The following NMS variants were observed in gnomAD, a reference collection of about 807,000 sequenced individuals.
The protein encoded by NMS is neuromedin-S.
NMS carries 30 observed loss-of-function variants against 32.2 expected under a neutral mutation model. The observed-to-expected ratio is 0.93, with a 90% CI of 0.70 to 1.26. The LOEUF (loss-of-function observed/expected upper bound fraction) is 1.26. NMS is among the 50% of genes most tolerant of loss of function. The pLI is 0.00. For missense variants in NMS, 190 were observed against 186.3 expected (o/e 1.02, Z -0.12); for synonymous variants, 76 against 58.5 (o/e 1.30, Z -1.37).
intron 1 of NMS, 112 bp from the exon 2 acceptor site, chr2:100,472,683 T>A (rs1265717074): frequency 1.5e-6 from 1 of 669,946 alleles, no homozygotes; most frequent in Non-Finnish European, 2.6e-6. Context: ...TTTGAATGGT[T>A]CTTTGGTGGT....
Position 100,481,163 on chromosome 2 carries a change from T to A in NMS, c.410T>A (p.Phe137Tyr). The A allele has an allele frequency of 6.2e-7, 1 of 1,614,160 alleles. No homozygotes were observed. The highest frequency in any genetic ancestry group is 8.5e-7 in the Non-Finnish European group (1 of 1,179,982). Residue 137 changes from phenylalanine to tyrosine, a missense_variant, in exon 8 of 10, where the codon TTC becomes TAC. Phe to Tyr is a conservative substitution (Grantham distance 22). Transcript: ENST00000376865. ...ACCTGGGGACGACCCTTTTTCCTTT[T>A]CAGGGTATAGCATGTTTTCTCACCT... The part of the protein sequence containing the change: ...TATWGRPFFL[F>Y]RPRNGRNIED...
chr2:100,478,657 T>A (rs1677158396), intron 5 of NMS, among the ~76,000 whole-genome samples: 1 of 151,842 alleles, frequency 6.6e-6, no homozygotes, highest in Admixed American at 6.6e-5. Flanking sequence ...AAAGACGGGG[T>A]TTCACCATGT....
chr2:100,477,794 T>C (rs563483357), intron 5 of NMS, among the ~76,000 whole-genome samples: 6 of 152,276 alleles, frequency 3.9e-5, no homozygotes, highest in African/African-American at 1.4e-4. Flanking sequence ...CATCCCCCAG[T>C]GGTGATCCAT....
intron 8 of NMS, 91 bp from the exon 9 acceptor site, chr2:100,482,186 C>T: frequency 1.5e-6 from 2 of 1,292,568 alleles, no homozygotes. Context: ...AGAATGAGGC[C>T]TTAGGGTTCA....
chr2:100,478,504 C>T (rs1424744424), intron 5 of NMS, among the ~76,000 whole-genome samples: 1 of 152,094 alleles, frequency 6.6e-6, no homozygotes, highest in Non-Finnish European at 1.5e-5. Flanking sequence ...CTCTTGTTGC[C>T]CAGGCTGGAG....
chr2:100,473,660 T>C (rs959551930), intron 3 of NMS, 121 bp downstream of exon 3: 8 of 279,660 alleles, frequency 2.9e-5, no homozygotes, highest in Non-Finnish European at 4.7e-5. Context: ...TTCAAGAATA[T>C]AATTTTAGAA....
chr2:100,475,742 G>C (rs374915914), intron 3 of NMS, among the ~76,000 whole-genome samples: 4 of 152,152 alleles, frequency 2.6e-5, no homozygotes, highest in East Asian at 3.8e-4. Flanking sequence ...GCTCATGCCT[G>C]TAATCCCAGA....
At chr2:100,472,984 A>G in intron 2 of NMS, 134 bp downstream of exon 2, 1 of 562,082 alleles carries the variant, frequency 1.8e-6, no homozygotes. Flanking sequence ...GCCATTTTTC[A>G]TGGCCTCATT....
At chr2:100,480,194 T>C (rs1365903989) in intron 6 of NMS, among the ~76,000 whole-genome samples, 1 of 152,210 alleles carries the variant, frequency 6.6e-6, no homozygotes, top group Non-Finnish European at 1.5e-5. Flanking sequence ...CCTTTAAAAG[T>C]TTCCTAAGCT....
intron 9 of NMS, among the ~76,000 whole-genome samples, chr2:100,482,516 T>A (rs978896673): frequency 6.6e-6 from 1 of 151,788 alleles, no homozygotes; most frequent in African/African-American, 2.4e-5. Context: ...AGATGCAGGC[T>A]GTCTGGGCAA....
intron 7 of NMS, 72 bp downstream of exon 7, chr2:100,480,603 G>T (rs1677200122): frequency 6.6e-7 from 1 of 1,521,024 alleles, no homozygotes; most frequent in Non-Finnish European, 9.1e-7. Flanking sequence ...AGTCCTTGGA[G>T]CCAGCCACCC....
At chr2:100,482,918 A>G (rs188812984) in intron 9 of NMS, among the ~76,000 whole-genome samples, 137 of 152,300 alleles carry the variant, frequency 9.0e-4, no homozygotes, top group African/African-American at 2.9e-3. Context: ...CTGCTGTCCA[A>G]TGGATGCTGC....
At chr2:100,481,365 G>A (rs948363954) in intron 8 of NMS, among the ~76,000 whole-genome samples, 198 bp downstream of exon 8, 1 of 152,146 alleles carries the variant, frequency 6.6e-6, no homozygotes, top group Non-Finnish European at 1.5e-5. Context: ...AGTCCAACAG[G>A]AGAGAGGCTG....
chr2:100,470,484 T>G lies in NMS; in HGVS notation c.-5T>G. 1 of 1,612,976 alleles carries G rather than the reference T, an allele frequency of 6.2e-7. No homozygotes were observed. Among genetic ancestry groups the G allele is most frequent in the Non-Finnish European group, 8.5e-7 (1 of 1,179,050 alleles). On this transcript the variant is annotated 5_prime_UTR_variant, in exon 1 of 10. Transcript: ENST00000376865. ...TGGCCAGCAAGGAGAAACCAGACTCTCACAATGAAACATCTTCGTCCCCAG... is the reference window on the plus strand; with the variant it reads ...TGGCCAGCAAGGAGAAACCAGACTCGCACAATGAAACATCTTCGTCCCCAG...
intron 2 of NMS, 26 bp downstream of exon 2, chr2:100,472,876 A>G: frequency 1.3e-6 from 2 of 1,526,980 alleles, no homozygotes. Flanking sequence ...GTAATGTGAG[A>G]TTTTTGTTTA....
intron 5 of NMS, 40 bp from the exon 6 acceptor site, chr2:100,479,313 T>C: frequency 6.7e-7 from 1 of 1,489,774 alleles, no homozygotes; most frequent in Non-Finnish European, 9.2e-7. Context: ...CCTCTGTGGA[T>C]GTCCCCCTGT....
Position 100,472,864 on chromosome 2 carries a change from C to T in NMS, c.132+14C>T, listed in dbSNP as rs1288964895. 1.3e-6 allele frequency: 2 copies of T among 1,580,572 alleles called. No homozygotes were observed. Among genetic ancestry groups the T allele is most frequent in the Non-Finnish European group, 1.7e-6 (2 of 1,150,470 alleles). ...GTGCAGCTTGAGGTACCCAATTATT[C>T]AGTAATGTGAGATTTTTGTTTAGTC... On this transcript the variant is annotated intron_variant, in intron 2 of 9. Coordinates refer to ENST00000376865, the MANE Select transcript of NMS (RefSeq NM_001011717.1).
chr2:100,475,721 C>T (rs935303890), intron 3 of NMS, among the ~76,000 whole-genome samples: 4 of 151,864 alleles, frequency 2.6e-5, no homozygotes, highest in South Asian at 4.2e-4. Context: ...AAAAGTAGGC[C>T]GGGTGTGGTG....
chr2:100,482,209 G>A, intron 8 of NMS, 68 bp from the exon 9 acceptor site: 1 of 1,452,158 alleles, frequency 6.9e-7, no homozygotes, highest in South Asian at 1.1e-5. Context: ...AGAGAGAAGA[G>A]CGGAATCAAG....
Sources: allele counts gnomAD v4.1 joint callset (sites outside exome capture counted in the v4.1 genomes callset), GRCh38; gene constraint gnomAD v4.1.1; transcripts MANE v1.5; gene names NCBI Gene and HGNC (gene_info 2026-07-23, HGNC 2026-07-21).